Variants in CCDC30 observed in about 807,000 individuals in gnomAD.
The protein encoded by CCDC30 is coiled-coil domain-containing protein 30.
Under a neutral mutation model 100.2 loss-of-function variants are expected in CCDC30, and 70 were observed. That is an observed-to-expected ratio of 0.70 (90% CI 0.58 to 0.85). The LOEUF is 0.85. Ranked by LOEUF, CCDC30 falls within the 40% of genes least tolerant of loss-of-function variation. The pLI is 0.00. For synonymous variants in CCDC30, 233 were observed against 269.5 expected (o/e 0.86, Z 1.33); for missense variants, 652 against 771.2 (o/e 0.85, Z 1.83).
At chr1:42,544,809 G>A (rs183237313) in intron 6 of CCDC30, among the ~76,000 whole-genome samples, 98 of 152,174 alleles carry the variant, frequency 6.4e-4, no homozygotes, top group African/African-American at 2.2e-3. Flanking sequence ...ACCCGGCCAA[G>A]ACTGCGCTTT....
At position 42,555,300 on chromosome 1, in the gene CCDC30, C is replaced by T. The variant is rs116435125; in HGVS notation, c.457-10996C>T. ...GTTCATGTTCTCATCTATACCAACA[C>T]CCACCTTCCCCAACGTCCATACACA... On this transcript the variant is annotated intron_variant, in intron 6 of 16. Coordinates refer to ENST00000668663, the Ensembl canonical transcript of CCDC30. Among the ~76,000 whole-genome samples, 324 of 152,286 alleles carry T rather than the reference C, an allele frequency of 2.1e-3. 1 individual carries two copies. Among genetic ancestry groups the T allele is most frequent in the Non-Finnish European group, 4.1e-3 (276 of 68,020 alleles).
At chr1:42,643,885 G>C (rs1647654153) in intron 13 of CCDC30, among the ~76,000 whole-genome samples, 1 of 152,148 alleles carries the variant, frequency 6.6e-6, no homozygotes, top group Non-Finnish European at 1.5e-5. Flanking sequence ...CGATCAGTAT[G>C]ATAACAGAAC....
At chr1:42,523,152 G>A (rs898112236) in intron 6 of CCDC30, among the ~76,000 whole-genome samples, 5 of 152,048 alleles carry the variant, frequency 3.3e-5, no homozygotes, top group African/African-American at 7.2e-5. Flanking sequence ...TATAATAGCC[G>A]GTGTATTTAC....
At chr1:42,545,483 T>A (rs1485406644) in intron 6 of CCDC30, 2 of 1,605,246 alleles carry the variant, frequency 1.2e-6, no homozygotes, top group African/African-American at 2.7e-5. Context: ...CCTTCTAATT[T>A]AATTACAAGT....
chr1:42,505,253 C>T (rs1302252170), intron 6 of CCDC30, among the ~76,000 whole-genome samples: 2 of 152,134 alleles, frequency 1.3e-5, no homozygotes, highest in Non-Finnish European at 1.5e-5. Flanking sequence ...ACTTTTATTA[C>T]ATGGCAGGAT....
At chr1:42,511,573 C>T (rs1231337059) in intron 6 of CCDC30, among the ~76,000 whole-genome samples, 1 of 152,134 alleles carries the variant, frequency 6.6e-6, no homozygotes, top group Non-Finnish European at 1.5e-5. Flanking sequence ...GCCGATGGGA[C>T]AGTGTCAAGA....
At chr1:42,473,905 C>T (rs1479715458) in intron 1 of CCDC30, among the ~76,000 whole-genome samples, 1 of 152,156 alleles carries the variant, frequency 6.6e-6, no homozygotes, top group African/African-American at 2.4e-5. Context: ...TCTATATCTA[C>T]CCTCGTTTCT....
At chr1:42,627,067 C>T (rs1301377233) in intron 11 of CCDC30, among the ~76,000 whole-genome samples, 1 of 152,154 alleles carries the variant, frequency 6.6e-6, no homozygotes, top group Non-Finnish European at 1.5e-5. Flanking sequence ...AAGTTTGGAA[C>T]CTCCTAGAGA....
At chr1:42,466,620 C>T (rs1643593272) in intron 1 of CCDC30, among the ~76,000 whole-genome samples, 2 of 151,126 alleles carry the variant, frequency 1.3e-5, no homozygotes, top group Admixed American at 6.6e-5. Flanking sequence ...GTTGAGATCT[C>T]GGCTCACTGC....
At chr1:42,602,395 G>A (rs868157718) in intron 10 of CCDC30, among the ~76,000 whole-genome samples, 1 of 151,902 alleles carries the variant, frequency 6.6e-6, no homozygotes, top group Middle Eastern at 3.4e-3. Context: ...CCTCTAGCCA[G>A]GCTAACAAAA....
intron 11 of CCDC30, among the ~76,000 whole-genome samples, chr1:42,614,952 G>A (rs1258295428): frequency 6.6e-6 from 1 of 152,008 alleles, no homozygotes; most frequent in East Asian, 1.9e-4. Flanking sequence ...TATACTACAT[G>A]TAATGGTAAC....
At chr1:42,500,562 C>T (rs1246492377) in intron 6 of CCDC30, among the ~76,000 whole-genome samples, 3 of 151,970 alleles carry the variant, frequency 2.0e-5, no homozygotes, top group African/African-American at 4.8e-5. Flanking sequence ...TACAGGCACC[C>T]GCCACCACGC....
the CCDC30 span, chr1:42,456,931 G>A: frequency 6.2e-7 from 1 of 1,608,468 alleles, no homozygotes; most frequent in African/African-American, 1.3e-5. Context: ...AGGCCGAGGA[G>A]AATGCACTTC....
intron 6 of CCDC30, among the ~76,000 whole-genome samples, chr1:42,552,045 C>A (rs1570027863): frequency 1.3e-5 from 2 of 152,252 alleles, no homozygotes; most frequent in African/African-American, 4.8e-5. Flanking sequence ...GGATTACAAG[C>A]ATGAGCCACT....
At chr1:42,516,711 C>T (rs1644560966) in intron 6 of CCDC30, among the ~76,000 whole-genome samples, 1 of 152,106 alleles carries the variant, frequency 6.6e-6, no homozygotes, top group Non-Finnish European at 1.5e-5. Context: ...TTACCACATG[C>T]AGCTGCTCAG....
chr1:42,611,297 G>C (rs1022838556), intron 11 of CCDC30, among the ~76,000 whole-genome samples: 2 of 152,130 alleles, frequency 1.3e-5, no homozygotes, highest in African/African-American at 2.4e-5. Context: ...GAGGGAAGGA[G>C]AAGGGAATTA....
At chr1:42,457,955 CAAA>C in the CCDC30 span, among the ~76,000 whole-genome samples, 5 of 101,110 alleles carry the variant, frequency 4.9e-5, no homozygotes, top group East Asian at 4.9e-4. Context: ...TACTCCGTCG[CAAA>C]AAAAAAAAAA....
intron 12 of CCDC30, 27 bp from the exon 17 acceptor site, chr1:42,642,446 G>C: frequency 6.8e-7 from 1 of 1,460,014 alleles, no homozygotes; most frequent in Non-Finnish European, 9.1e-7. Flanking sequence ...TCCTGCTGTG[G>C]TAATTAGGAG....
intron 6 of CCDC30, among the ~76,000 whole-genome samples, chr1:42,533,598 G>C (rs557212067): frequency 2.6e-5 from 4 of 152,132 alleles, no homozygotes; most frequent in Non-Finnish European, 5.9e-5. Flanking sequence ...TTATATAGGG[G>C]ACTTATTATA....
Sources: gnomAD v4.1 joint callset for allele counts (sites outside exome capture counted in the v4.1 genomes callset) on GRCh38, gnomAD v4.1.1 for gene constraint, MANE v1.5 for transcripts, NCBI Gene and HGNC (gene_info 2026-07-23, HGNC 2026-07-21) for gene names.